RPS6KA1: variants seen among roughly 807,000 people sequenced by gnomAD.
RPS6KA1 encodes ribosomal protein S6 kinase A1, also known as ribosomal protein S6 kinase alpha-1.
RPS6KA1 carries 48 observed loss-of-function variants against 91.3 expected under a neutral mutation model. The ratio of observed to expected loss-of-function variants is 0.53; its 90% CI spans 0.42 to 0.67. RPS6KA1 has a LOEUF of 0.67. Among genes scored for constraint, RPS6KA1 ranks in the 30% least tolerant of loss-of-function variants. RPS6KA1 has a pLI of 0.00. For synonymous variants in RPS6KA1, 359 were observed against 384.7 expected, an observed-to-expected ratio of 0.93 and a Z score of 0.78; for missense variants, 719 against 960.5, an observed-to-expected ratio of 0.75 and a Z score of 3.32.
chr1:26,552,565 C>T (rs1443412807), intron 6 of RPS6KA1, among the ~76,000 whole-genome samples: 3 of 146,634 alleles, frequency 2.0e-5, no homozygotes, highest in African/African-American at 7.6e-5. Context: ...CAGCTCACTG[C>T]AACCTCCGCC....
intron 1 of RPS6KA1, among the ~76,000 whole-genome samples, chr1:26,534,877 G>A (rs367771356): frequency 6.6e-6 from 1 of 152,280 alleles, no homozygotes; most frequent in Admixed American, 6.5e-5. Flanking sequence ...TAAGGAGCTG[G>A]GACTTGATTC....
intron 20 of RPS6KA1, 44 bp downstream of exon 20, chr1:26,572,337 C>G: frequency 7.3e-7 from 1 of 1,365,504 alleles, no homozygotes; most frequent in East Asian, 2.3e-5. Context: ...AGGAGGGAGG[C>G]AGGGTCCCAT....
intron 17 of RPS6KA1, among the ~76,000 whole-genome samples, chr1:26,563,759 G>A (rs1433443215): frequency 6.6e-6 from 1 of 152,092 alleles, no homozygotes; most frequent in Admixed American, 6.5e-5. Context: ...TATATTTCCT[G>A]TAAACTGCAA....
chr1:26,551,414 A>G lies in RPS6KA1; in HGVS notation c.325A>G (p.Thr109Ala), dbSNP rs1276592270. ...ATLKVRDRVR[T>A]KMERDILADV... ...CTGGCCAGTACGTGACCGCGTCCGG[A>G]CCAAGATGGAGAGAGACATCCTGGC... The change falls in exon 5 of 22, where the codon ACC becomes GCC. Residue 109 changes from threonine to alanine, a missense_variant. Transcript: ENST00000374168. This position sits in a 1 kb window ranked among gnomAD's most constrained non-coding sequence, Gnocchi z 4.5. 3 of 1,613,962 alleles carry G rather than the reference A, an allele frequency of 1.9e-6. No individual in the cohort carries two copies. The highest frequency in any genetic ancestry group is 2.5e-6 in the Non-Finnish European group (3 of 1,180,006).
chr1:26,566,941 T>C (rs1469356445), intron 17 of RPS6KA1, among the ~76,000 whole-genome samples: 1 of 152,186 alleles, frequency 6.6e-6, no homozygotes, highest in Non-Finnish European at 1.5e-5. Flanking sequence ...AAGATGCTGC[T>C]GCCACTGCTG....
chr1:26,545,508 T>C (rs1200526987), intron 2 of RPS6KA1, among the ~76,000 whole-genome samples: 2 of 152,136 alleles, frequency 1.3e-5, no homozygotes, highest in Non-Finnish European at 2.9e-5. Context: ...TGCTTCTGCC[T>C]GTTGGGTGTC....
At chr1:26,566,279 CTTTTTTTTTTT>C (rs371340177) in intron 17 of RPS6KA1, among the ~76,000 whole-genome samples, 1 of 97,946 alleles carries the variant, frequency 1.0e-5, no homozygotes, top group East Asian at 4.1e-4. Flanking sequence ...CTCATTGTAG[CTTTTTTTTTTT>C]TTTTTTTTTT....
intron 1 of RPS6KA1, among the ~76,000 whole-genome samples, chr1:26,532,036 A>C (rs761487323): frequency 1.3e-5 from 2 of 152,182 alleles, no homozygotes; most frequent in Non-Finnish European, 2.9e-5. Context: ...CTAGCCAGGA[A>C]GGAGGCAGGT....
chr1:26,544,960 A>G (rs190915130), intron 2 of RPS6KA1, among the ~76,000 whole-genome samples: 7 of 151,862 alleles, frequency 4.6e-5, no homozygotes, highest in African/African-American at 1.7e-4. Flanking sequence ...ATCTGCCTAC[A>G]CACATTGGGG....
In RPS6KA1 at chr1:26,540,265, A is replaced by G. The variant is rs2075936780; in HGVS notation, c.108+3296A>G. On this transcript the variant is annotated intron_variant, in intron 2 of 21. Coordinates refer to ENST00000374168, the MANE Select transcript of RPS6KA1 (RefSeq NM_002953.4). This position sits in a 1 kb window ranked among gnomAD's most constrained non-coding sequence, Gnocchi z 4.2. ...CATATTGTTCTAACCTTCATTTTACAGAGGAGGAAACCGAGGTTCAGACAG... is the reference window on the plus strand; with the variant it reads ...CATATTGTTCTAACCTTCATTTTACGGAGGAGGAAACCGAGGTTCAGACAG... 6.6e-6 allele frequency among the ~76,000 whole-genome samples: 1 copy of G among 152,194 alleles called. No individual in the cohort carries two copies.
Position 26,571,275 on chromosome 1 carries a change from C to G in RPS6KA1, c.1591-174C>G. 1 of 626,978 alleles carries G rather than the reference C, an allele frequency of 1.6e-6. No homozygotes were observed. Among genetic ancestry groups the G allele is most frequent in the Non-Finnish European group, 2.8e-6 (1 of 354,670 alleles). 38.8% of individuals were successfully genotyped at this position (626,978 alleles called of 1,614,324 possible). On this transcript the variant is annotated intron_variant, in intron 17 of 21. Coordinates refer to ENST00000374168, the MANE Select transcript of RPS6KA1 (RefSeq NM_002953.4). The surrounding 1 kb of genome is among the most constrained non-coding windows in gnomAD (Gnocchi z 5.1). ...CTACCTGTAGACACCTACACAGAGT[C>G]AGTAGCAGCAGCAATAAGACCATCA...
rs955119610 is a variant in RPS6KA1, at chr1:26,561,644, A to G, written c.1571A>G (p.Glu524Gly). The change falls in exon 17 of 22, where the codon GAG becomes GGG. Residue 524 changes from glutamate (E) to glycine (G), a missense_variant. Glu to Gly is a moderately conservative substitution (Grantham distance 98). Coordinates refer to ENST00000374168, the MANE Select transcript of RPS6KA1 (RefSeq NM_002953.4). This position sits in a 1 kb window ranked among gnomAD's most constrained non-coding sequence, Gnocchi z 5.7. ...FVLHTIGKTVEYLHSQGVVHR... is the reference protein window; with the variant it reads ...FVLHTIGKTVGYLHSQGVVHR... The stretch of plus-strand genomic sequence containing the variant: ...CTGCACACCATTGGCAAAACTGTGG[A>G]GTATCTGCACTCACAGGGGGTGAGT... The G allele has an allele frequency of 6.2e-7, 1 of 1,610,138 alleles. No individual in the cohort carries two copies. Among genetic ancestry groups the G allele is most frequent in the Non-Finnish European group, 8.5e-7 (1 of 1,177,822 alleles).
Position 26,554,332 on chromosome 1 carries a change from G to A in RPS6KA1, c.613+81G>A. ...GATAGGTCTCGGCTGAGTGCTGGGG[G>A]CTCATTCTTCCCGAGAAGCCGTGCC... On this transcript the variant is annotated intron_variant, in intron 8 of 21. Coordinates refer to ENST00000374168, the MANE Select transcript of RPS6KA1 (RefSeq NM_002953.4). The surrounding 1 kb of genome is among the most constrained non-coding windows in gnomAD (Gnocchi z 4.6). 1 of 1,413,542 alleles carries A rather than the reference G, an allele frequency of 7.1e-7. No individual in the cohort carries two copies. Among genetic ancestry groups the A allele is most frequent in the Non-Finnish European group, 9.7e-7 (1 of 1,035,912 alleles). The allele number at this position is 1,413,542 out of a possible 1,614,324, so 87.6% of individuals were successfully genotyped here. A position where few individuals can be genotyped will look rare whatever the true frequency, so the allele number is the denominator to read the frequency against.
intron 1 of RPS6KA1, among the ~76,000 whole-genome samples, chr1:26,533,909 C>G (rs867210563): frequency 6.6e-6 from 1 of 152,082 alleles, no homozygotes; most frequent in Non-Finnish European, 1.5e-5. Context: ...CACCCCACAA[C>G]CCCCCTGACC....
Position 26,554,500 on chromosome 1 carries a change from C to G in RPS6KA1, c.614-96C>G, listed in dbSNP as rs2076081398. ...CCTCCTGAGTGTCATGGGGGTGATG[C>G]CTTCTGGCCTCTGGGCACGGGGGTT... On this transcript the variant is annotated intron_variant, in intron 8 of 21. Transcript: ENST00000374168. This position sits in a 1 kb window ranked among gnomAD's most constrained non-coding sequence, Gnocchi z 4.6. The G allele has an allele frequency of 1.3e-6, 2 of 1,483,320 alleles. No individual in the cohort carries two copies. Among genetic ancestry groups the G allele is most frequent in the Admixed American group, 4.1e-5 (2 of 48,808 alleles). 91.9% of individuals were successfully genotyped at this position (1,483,320 alleles called of 1,614,324 possible). A position where few individuals can be genotyped will look rare whatever the true frequency, so the allele number is the denominator to read the frequency against.
chr1:26,551,715 T>A lies in RPS6KA1; in HGVS notation c.460T>A (p.Ser154Thr). Residue 154 changes from serine to threonine, a missense_variant, in exon 6 of 22, where the codon TCA (serine) becomes ACA (threonine). Ser to Thr is a moderately conservative substitution (Grantham distance 58). Around this residue, in one of 5 missense-constraint regions of RPS6KA1, gnomAD observed 159 missense variants for 264.5 expected, o/e 0.60. Transcript: ENST00000374168. The surrounding 1 kb of genome is among the most constrained non-coding windows in gnomAD (Gnocchi z 4.5). ...TGGTGGGGACCTCTTCACCCGGCTCTCAAAAGAGGTGAGCTGACATCTACT... is the reference window on the plus strand; with the variant it reads ...TGGTGGGGACCTCTTCACCCGGCTCACAAAAGAGGTGAGCTGACATCTACT... ...LRGGDLFTRL[S>T]KEVMFTEEDV... is the part of the protein sequence containing the mutation. 1 of 1,613,870 alleles carries A rather than the reference T, an allele frequency of 6.2e-7. No homozygotes were observed. Among genetic ancestry groups the A allele is most frequent in the Non-Finnish European group, 8.5e-7 (1 of 1,179,742 alleles).
intron 2 of RPS6KA1, among the ~76,000 whole-genome samples, chr1:26,539,611 G>T (rs890567893): frequency 6.6e-6 from 1 of 152,194 alleles, no homozygotes; most frequent in African/African-American, 2.4e-5. Context: ...TATCTAACAG[G>T]GCTTGTGGCA....
intron 1 of RPS6KA1, 33 bp from the exon 2 acceptor site, chr1:26,536,892 C>G: frequency 6.2e-7 from 1 of 1,612,906 alleles, no homozygotes; most frequent in Non-Finnish European, 8.5e-7. Flanking sequence ...TAAGTTCTGA[C>G]AGTGCTCCCC....
chr1:26,541,432 G>A (rs2075946906), intron 2 of RPS6KA1, among the ~76,000 whole-genome samples: 1 of 151,862 alleles, frequency 6.6e-6, no homozygotes, highest in African/African-American at 2.4e-5. Context: ...GAGTGTGCCT[G>A]TAGTCCCAGC....
Sources: allele counts gnomAD v4.1 joint callset (sites outside exome capture counted in the v4.1 genomes callset), GRCh38; gene constraint gnomAD v4.1.1; regional missense constraint gnomAD v4.1.1; non-coding constraint Gnocchi (gnomAD v3.1); transcripts MANE v1.5; gene names NCBI Gene and HGNC (gene_info 2026-07-23, HGNC 2026-07-21).